The following STAG1 variants were observed in gnomAD, a reference collection of about 807,000 sequenced individuals.
STAG1 encodes cohesin subunit SA-1.
Under a neutral mutation model 170.9 loss-of-function variants are expected in STAG1, and 26 were observed. The observed-to-expected ratio is 0.15, with a 90% CI of 0.11 to 0.21. The LOEUF is 0.21. Among genes scored for constraint, STAG1 ranks in the 10% least tolerant of loss-of-function variants. The pLI is 1.00. For synonymous variants in STAG1, 514 were observed against 497.7 expected (o/e 1.03, Z -0.44); for missense variants, 964 against 1,509.5 (o/e 0.64, Z 5.99).
intron 5 of STAG1, among the ~76,000 whole-genome samples, chr3:136,544,575 C>G (rs749765141): frequency 2.0e-5 from 3 of 151,892 alleles, no homozygotes; most frequent in Non-Finnish European, 4.4e-5. Context: ...CCAGCCTGGG[C>G]AACACGGCGA....
intron 1 of STAG1, among the ~76,000 whole-genome samples, chr3:136,655,582 G>A (rs951960634): frequency 4.6e-5 from 7 of 152,198 alleles, no homozygotes; most frequent in Non-Finnish European, 1.5e-5. Context: ...GGCCAACATG[G>A]TGACACCCCA....
chr3:136,362,603 T>C (rs1936914990), intron 26 of STAG1, among the ~76,000 whole-genome samples: 1 of 106,202 alleles, frequency 9.4e-6, no homozygotes, highest in African/African-American at 3.7e-5. Context: ...ACATCATCTC[T>C]GCAAAAAAAA....
At chr3:136,692,974 G>A (rs1359888624) in intron 1 of STAG1, among the ~76,000 whole-genome samples, 1 of 152,228 alleles carries the variant, frequency 6.6e-6, no homozygotes, top group Non-Finnish European at 1.5e-5. Context: ...GGAGCCAGCA[G>A]AGATGTCTTC....
chr3:136,591,338 G>GGAAA (rs1337673014), intron 4 of STAG1: 1 of 153,782 alleles, frequency 6.5e-6, no homozygotes, highest in African/African-American at 2.4e-5. Context: ...AAGTAAGGAG[G>GGAAA]GAAAGAAGGA....
At chr3:136,394,784 C>T (rs1028475961) in intron 22 of STAG1, among the ~76,000 whole-genome samples, 5 of 151,822 alleles carry the variant, frequency 3.3e-5, no homozygotes, top group Non-Finnish European at 7.4e-5. Context: ...GAAACCCCGT[C>T]TCTACTAAAC....
At chr3:136,357,170 G>C (rs1369120632) in intron 28 of STAG1, among the ~76,000 whole-genome samples, 3 of 151,970 alleles carry the variant, frequency 2.0e-5, no homozygotes, top group Non-Finnish European at 4.4e-5. Context: ...GGATGGTCTT[G>C]ATCTTCTGAC....
chr3:136,729,172 TTTTG>T (rs981843737), intron 1 of STAG1, among the ~76,000 whole-genome samples: 1 of 151,908 alleles, frequency 6.6e-6, no homozygotes, highest in Non-Finnish European at 1.5e-5. Flanking sequence ...GTTTTTTTGT[TTTTG>T]TTTTTGTTTT....
At chr3:136,436,365 T>A (rs914120735) in intron 15 of STAG1, among the ~76,000 whole-genome samples, 9 of 152,084 alleles carry the variant, frequency 5.9e-5, no homozygotes, top group Non-Finnish European at 1.2e-4. Flanking sequence ...CACTGCAACC[T>A]CTGCCTCCTA....
intron 21 of STAG1, among the ~76,000 whole-genome samples, chr3:136,410,912 G>A (rs1038464244): frequency 2.6e-5 from 4 of 152,106 alleles, no homozygotes; most frequent in African/African-American, 9.7e-5. Context: ...AAAATTAGCT[G>A]GGCACGGTGG....
At chr3:136,345,618 T>G (rs1260587130) in intron 29 of STAG1, among the ~76,000 whole-genome samples, 1 of 152,140 alleles carries the variant, frequency 6.6e-6, no homozygotes, top group South Asian at 2.1e-4. Context: ...TTCTAAATTA[T>G]TCTAATATGA....
At chr3:136,603,865 C>T (rs893062582) in intron 4 of STAG1, among the ~76,000 whole-genome samples, 1 of 151,718 alleles carries the variant, frequency 6.6e-6, no homozygotes, top group African/African-American at 2.4e-5. Flanking sequence ...CCAGCCTGGG[C>T]AACAGAGCCA....
intron 21 of STAG1, among the ~76,000 whole-genome samples, chr3:136,402,975 C>T (rs1021938626): frequency 6.6e-6 from 1 of 151,636 alleles, no homozygotes; most frequent in Non-Finnish European, 1.5e-5. Flanking sequence ...CGCCTGTAAT[C>T]CCAGCACTTT....
chr3:136,516,884 T>C (rs1934406048), intron 7 of STAG1, among the ~76,000 whole-genome samples: 1 of 152,170 alleles, frequency 6.6e-6, no homozygotes, highest in African/African-American at 2.4e-5. Flanking sequence ...CAGAGACGAA[T>C]ATGAATTCAG....
At chr3:136,474,456 T>G (rs888523588) in intron 10 of STAG1, among the ~76,000 whole-genome samples, 8 of 152,310 alleles carry the variant, frequency 5.3e-5, no homozygotes, top group African/African-American at 1.9e-4. Flanking sequence ...TCGTAGGGAT[T>G]AAGTGCAGAG....
At chr3:136,739,152 TG>T (rs1934514417) in intron 1 of STAG1, among the ~76,000 whole-genome samples, 1 of 152,326 alleles carries the variant, frequency 6.6e-6, no homozygotes, top group African/African-American at 2.4e-5. Flanking sequence ...GACTGGGTTC[TG>T]AAACAGCCTA....
intron 7 of STAG1, among the ~76,000 whole-genome samples, chr3:136,517,744 T>A (rs557933212): frequency 1.3e-5 from 2 of 152,064 alleles, no homozygotes; most frequent in Admixed American, 1.3e-4. Context: ...ATAAATTAAA[T>A]CCACAAACTG....
intron 1 of STAG1, among the ~76,000 whole-genome samples, chr3:136,746,752 C>A (rs1934952958): frequency 6.6e-6 from 1 of 152,098 alleles, no homozygotes. Context: ...AGTTCGAGAC[C>A]AGCCTGGCCT....
intron 20 of STAG1, among the ~76,000 whole-genome samples, chr3:136,418,341 C>A (rs2087835885): frequency 9.4e-6 from 1 of 106,498 alleles, no homozygotes; most frequent in African/African-American, 4.1e-5. Flanking sequence ...GCCTGGGTAA[C>A]TGAGCAAGAC....
At chr3:136,416,151 G>A (rs1443050112) in intron 21 of STAG1, among the ~76,000 whole-genome samples, 2 of 152,022 alleles carry the variant, frequency 1.3e-5, no homozygotes, top group African/African-American at 2.4e-5. Flanking sequence ...GGGACTACAG[G>A]TGCCCGCCAC....
Sources: gnomAD v4.1 joint callset for allele counts (sites outside exome capture counted in the v4.1 genomes callset) on GRCh38, gnomAD v4.1.1 for gene constraint, MANE v1.5 for transcripts, NCBI Gene and HGNC (gene_info 2026-07-23, HGNC 2026-07-21) for gene names.